SIPA1L1: variants seen among roughly 807,000 people sequenced by gnomAD.
SIPA1L1 encodes signal-induced proliferation-associated 1-like protein 1.
In SIPA1L1, 26 loss-of-function variants were observed where a neutral mutation model predicts 162.7. The observed-to-expected ratio is 0.16, with a 90% confidence interval of 0.12 to 0.22. The LOEUF (loss-of-function observed/expected upper bound fraction) is 0.22, where lower values mean the gene tolerates loss of function less well. Among genes scored for constraint, SIPA1L1 ranks in the 10% least tolerant of loss-of-function variants. The pLI, the probability that SIPA1L1 is intolerant of heterozygous loss-of-function variation, is 1.00. For synonymous variants in SIPA1L1, 829 were observed against 837.4 expected (o/e 0.99, Z 0.17); for missense variants, 1,874 against 2,241.0 (o/e 0.84, Z 3.31).
At chr14:71,483,489 A>G (rs1275160332) in intron 2 of SIPA1L1, among the ~76,000 whole-genome samples, 1 of 152,190 alleles carries the variant, frequency 6.6e-6, no homozygotes, top group Non-Finnish European at 1.5e-5. Context: ...AGCCACTGAT[A>G]ATTGTTGGGA....
At chr14:71,507,762 C>T (rs2050793657) in intron 2 of SIPA1L1, among the ~76,000 whole-genome samples, 1 of 151,912 alleles carries the variant, frequency 6.6e-6, no homozygotes, top group Non-Finnish European at 1.5e-5. Flanking sequence ...TGAACTCAGT[C>T]TTCTTTCATT....
chr14:71,539,428 A>C (rs1291145456), intron 4 of SIPA1L1, among the ~76,000 whole-genome samples: 2 of 152,232 alleles, frequency 1.3e-5, no homozygotes, highest in Non-Finnish European at 2.9e-5. Context: ...TTTCCAATGG[A>C]AAACTATTTG....
chr14:71,579,476 A>G (rs1055054346), intron 4 of SIPA1L1, among the ~76,000 whole-genome samples: 1 of 152,200 alleles, frequency 6.6e-6, no homozygotes, highest in African/African-American at 2.4e-5. Flanking sequence ...AGGAATGAGC[A>G]TGTGTGAGGA....
chr14:71,353,637 G>A (rs2036936533), intron 2 of SIPA1L1, among the ~76,000 whole-genome samples: 1 of 152,128 alleles, frequency 6.6e-6, no homozygotes, highest in South Asian at 2.1e-4. Flanking sequence ...GAGGCAGTGG[G>A]GGTGGTCTGA....
rs1373478583 is a variant in SIPA1L1 at position 71,635,964 on chromosome 14, CAG to C, written c.1818+11733_1818+11734del. Reference sequence around the variant, plus strand: ...TCAGAGCAAAGAAAGTTAACAGAGACAGAGAGGATCATTGCATAATGATGAAG... The same window carrying C: ...TCAGAGCAAAGAAAGTTAACAGAGACAGAGGATCATTGCATAATGATGAAG... On this transcript the variant is annotated intron_variant, in intron 7 of 23. Transcript: ENST00000381232. Among the ~76,000 whole-genome samples the C allele has an allele frequency of 2.6e-5, 4 of 151,820 alleles. No individual in the cohort carries two copies. In the South Asian group the frequency reaches 6.2e-4, roughly 24 times the overall value.
chr14:71,379,632 C>T (rs985954248), intron 2 of SIPA1L1: 4 of 152,252 alleles, frequency 2.6e-5, no homozygotes, highest in Non-Finnish European at 5.9e-5. Flanking sequence ...TTGTTGTTAA[C>T]CTGATCTTTA....
intron 2 of SIPA1L1, among the ~76,000 whole-genome samples, chr14:71,508,147 A>G (rs1567123606): frequency 2.6e-5 from 4 of 152,304 alleles, no homozygotes; most frequent in Admixed American, 2.0e-4. Context: ...CAGATCTACC[A>G]GTTTTTCAAG....
At chr14:71,693,907 C>A (rs2149702640) in intron 13 of SIPA1L1, among the ~76,000 whole-genome samples, 1 of 152,262 alleles carries the variant, frequency 6.6e-6, no homozygotes, top group East Asian at 1.9e-4. Flanking sequence ...GAAGTGCTCT[C>A]ACTTGTTTAT....
intron 11 of SIPA1L1, 21 bp from the exon 12 acceptor site, chr14:71,672,327 A>G (rs1029578286): frequency 1.9e-6 from 3 of 1,612,364 alleles, no homozygotes; most frequent in East Asian, 2.2e-5. Context: ...AAACCACAGT[A>G]TCTTTTATTT....
At chr14:71,689,812 G>C (rs915399907) in intron 13 of SIPA1L1, among the ~76,000 whole-genome samples, 1 of 152,094 alleles carries the variant, frequency 6.6e-6, no homozygotes, top group Non-Finnish European at 1.5e-5. Flanking sequence ...TTTTGTTCAC[G>C]CAGTTATGGC....
chr14:71,582,370 G>A (rs763238219), intron 4 of SIPA1L1, among the ~76,000 whole-genome samples: 15 of 151,942 alleles, frequency 9.9e-5, no homozygotes, highest in African/African-American at 3.1e-4. Context: ...ATTCCACCAC[G>A]TAACTTGTTC....
In SIPA1L1 at chr14:71,671,211, T is replaced by G. The variant is rs1415576544; in HGVS notation, c.2348T>G (p.Phe783Cys). 2 of 1,614,084 alleles carry G rather than the reference T, an allele frequency of 1.2e-6. No homozygotes were observed. Among genetic ancestry groups the G allele is most frequent in the African/African-American group, 2.7e-5 (2 of 74,916 alleles). The part of the protein sequence containing the change: ...TFPKSNVFRD[F>C]LLAKVINAEN... ...CCTAAGTCAAATGTGTTCAGGGACT[T>G]CCTTTTGGCGAAAGTGATTAATGCA... The change falls in exon 11 of 24, where the codon TTC (phenylalanine) becomes TGC (cysteine). Residue 783 changes from phenylalanine to cysteine, a missense_variant. Physicochemically the swap from Phe to Cys is radical, Grantham distance 205. Around this residue, in one of 5 missense-constraint regions of SIPA1L1, gnomAD observed 243 missense variants for 315.0 expected, o/e 0.77. Coordinates refer to ENST00000381232, the MANE Select transcript of SIPA1L1 (RefSeq NM_001386936.1).
chr14:71,432,025 A>G (rs776765222), intron 2 of SIPA1L1, among the ~76,000 whole-genome samples: 3 of 148,988 alleles, frequency 2.0e-5, no homozygotes, highest in Non-Finnish European at 4.5e-5. Flanking sequence ...GAGTGGGGAA[A>G]CTCAGCAGGG....
chr14:71,414,243 G>A (rs779269529), intron 2 of SIPA1L1: 2 of 152,300 alleles, frequency 1.3e-5, no homozygotes, highest in East Asian at 1.9e-4. Context: ...GCTGGGTGTG[G>A]TGGCACACAC....
chr14:71,547,055 T>G (rs2055282698), intron 4 of SIPA1L1, among the ~76,000 whole-genome samples: 1 of 152,144 alleles, frequency 6.6e-6, no homozygotes, highest in South Asian at 2.1e-4. Context: ...TGGTGCTTAT[T>G]GCCTTGTACC....
At chr14:71,653,233 A>G (rs376599852) in intron 8 of SIPA1L1, among the ~76,000 whole-genome samples, 1 of 152,182 alleles carries the variant, frequency 6.6e-6, no homozygotes, top group Non-Finnish European at 1.5e-5. Flanking sequence ...TATTCAATGA[A>G]GTGTCTACTG....
At chr14:71,699,515 G>A (rs1338336677) in intron 14 of SIPA1L1, among the ~76,000 whole-genome samples, 1 of 152,192 alleles carries the variant, frequency 6.6e-6, no homozygotes, top group Non-Finnish European at 1.5e-5. Flanking sequence ...AAAAGACATA[G>A]GGCGTGTTCT....
intron 2 of SIPA1L1, among the ~76,000 whole-genome samples, chr14:71,453,980 C>A (rs550750719): frequency 9.3e-6 from 1 of 107,012 alleles, no homozygotes. Flanking sequence ...GCCTGGGTGA[C>A]AGGGCGAGAT....
chr14:71,387,651 C>G (rs927383584), intron 2 of SIPA1L1, among the ~76,000 whole-genome samples: 5 of 152,170 alleles, frequency 3.3e-5, no homozygotes, highest in African/African-American at 7.2e-5. Flanking sequence ...ACGTATGTTT[C>G]AAACGATTCT....
Sources: allele counts gnomAD v4.1 joint callset (sites outside exome capture counted in the v4.1 genomes callset), GRCh38; gene constraint gnomAD v4.1.1; regional missense constraint gnomAD v4.1.1; transcripts MANE v1.5; gene names NCBI Gene and HGNC (gene_info 2026-07-23, HGNC 2026-07-21).